KIAA0825: variants seen among roughly 807,000 people sequenced by gnomAD.
KIAA0825 encodes the protein uncharacterized protein KIAA0825.
KIAA0825 carries 119 observed loss-of-function variants against 147.6 expected under a neutral mutation model. The ratio of observed to expected loss-of-function variants is 0.81; its 90% CI spans 0.69 to 0.94. KIAA0825 has a LOEUF of 0.94. KIAA0825 is among the 40% of genes least tolerant of loss of function. The pLI is 0.00. For missense variants in KIAA0825, 1,381 were observed against 1,472.7 expected (o/e 0.94, Z 1.02); for synonymous variants, 470 against 518.1 (o/e 0.91, Z 1.26).
At position 94,396,270 on chromosome 5, in the gene KIAA0825, A is replaced by C; in HGVS notation, c.3127T>G (p.Trp1043Gly). ...ATTAAACCCAATTTTTCTTTACTCC[A>C]TCTGTCAAGAGAGGCACCTGTTAAA... ...ELLTGASLDR[W>G]SKEKLGLICM... The change falls in exon 17 of 21, where the codon TGG becomes GGG. Residue 1043 changes from tryptophan to glycine, a missense_variant. By Grantham distance (184) the Trp-to-Gly change is radical. Transcript: ENST00000682413. 6.4e-7 allele frequency: 1 copy of C among 1,551,298 alleles called. No individual in the cohort carries two copies. The highest frequency in any genetic ancestry group is 8.7e-7 in the Non-Finnish European group (1 of 1,146,838).
At chr5:94,507,474 G>A (rs923006187) in intron 5 of KIAA0825, among the ~76,000 whole-genome samples, 3 of 138,178 alleles carry the variant, frequency 2.2e-5, no homozygotes, top group African/African-American at 5.5e-5. Flanking sequence ...AAAAAAACCT[G>A]ACAGGCTATC....
intron 20 of KIAA0825, among the ~76,000 whole-genome samples, chr5:94,249,933 A>G (rs1041930773): frequency 6.6e-6 from 1 of 152,008 alleles, no homozygotes; most frequent in Admixed American, 6.6e-5. Context: ...CTAAAACAGT[A>G]CTTGGTATGA....
At chr5:94,544,214 G>A (rs927266953) in intron 2 of KIAA0825, among the ~76,000 whole-genome samples, 4 of 152,180 alleles carry the variant, frequency 2.6e-5, no homozygotes, top group African/African-American at 9.7e-5. Context: ...TAGAGGCCCA[G>A]AAGTAACCTA....
chr5:94,457,608 G>T (rs1562516490), intron 12 of KIAA0825, among the ~76,000 whole-genome samples: 1 of 136,856 alleles, frequency 7.3e-6, no homozygotes. Context: ...ACTCTCTCTG[G>T]GTTCTCTGAT....
rs796573916 is a variant in KIAA0825 at position 94,408,842 on chromosome 5, A to G, written c.2663-5049T>C. Among the ~76,000 whole-genome samples, 92 of 152,352 alleles carry G rather than the reference A, an allele frequency of 6.0e-4. 2 individuals are homozygous for G. Among genetic ancestry groups the G allele is most frequent in the African/African-American group, 2.2e-3 (90 of 41,588 alleles). Reference sequence around the variant, plus strand: ...ATTTAAAAAATCAATTTCTGGTGTGAATTTTTCTTGTAATTTGTTCATTTC... The same window carrying G: ...ATTTAAAAAATCAATTTCTGGTGTGGATTTTTCTTGTAATTTGTTCATTTC... On this transcript the variant is annotated intron_variant, in intron 15 of 20. Coordinates refer to ENST00000682413, the MANE Select transcript of KIAA0825 (RefSeq NM_001145678.3).
chr5:94,409,086 A>C (rs920991781), intron 15 of KIAA0825, among the ~76,000 whole-genome samples: 2 of 152,172 alleles, frequency 1.3e-5, no homozygotes, highest in Admixed American at 1.3e-4. Context: ...AGAGTCCTTC[A>C]CTTTTAGGGA....
intron 10 of KIAA0825, 72 bp downstream of exon 10, chr5:94,469,889 A>C: frequency 8.0e-7 from 1 of 1,257,588 alleles, no homozygotes; most frequent in Non-Finnish European, 1.1e-6. Context: ...CATGTTTCTA[A>C]TTAGCCAGAA....
intron 20 of KIAA0825, among the ~76,000 whole-genome samples, chr5:94,350,943 A>G (rs1373758145): frequency 2.0e-5 from 3 of 150,718 alleles, no homozygotes; most frequent in African/African-American, 7.3e-5. Context: ...CTGGAGTGCA[A>G]TGGCATGATC....
At chr5:94,608,393 C>A (rs1787897775) in intron 1 of KIAA0825, among the ~76,000 whole-genome samples, 1 of 99,124 alleles carries the variant, frequency 1.0e-5, no homozygotes, top group Non-Finnish European at 2.0e-5. Flanking sequence ...TCCCAAGTAA[C>A]TGGGACTACA....
intron 20 of KIAA0825, among the ~76,000 whole-genome samples, chr5:94,217,266 C>A (rs1338979272): frequency 1.3e-5 from 2 of 152,094 alleles, no homozygotes; most frequent in Admixed American, 1.3e-4. Flanking sequence ...AAAAAACTTT[C>A]CTTAAAATAG....
At chr5:94,436,941 A>T (rs1376976415) in intron 14 of KIAA0825, among the ~76,000 whole-genome samples, 1 of 152,170 alleles carries the variant, frequency 6.6e-6, no homozygotes, top group East Asian at 1.9e-4. Context: ...GTATACAGAA[A>T]TGCTAGCAAT....
At chr5:94,208,888 T>G (rs556070796) in intron 20 of KIAA0825, among the ~76,000 whole-genome samples, 1 of 152,330 alleles carries the variant, frequency 6.6e-6, no homozygotes, top group East Asian at 1.9e-4. Flanking sequence ...TAGGTAGTTT[T>G]CAAGTTTTTC....
In KIAA0825 at chr5:94,464,999, C is replaced by T. The variant is rs565529285; in HGVS notation, c.1933G>A (p.Asp645Asn). Residue 645 changes from aspartate to asparagine, a missense_variant, in exon 11 of 21, where the codon GAT becomes AAT. By Grantham distance (23) the Asp-to-Asn change is conservative (BLOSUM62 1). Coordinates refer to ENST00000682413, the MANE Select transcript of KIAA0825 (RefSeq NM_001145678.3). Reference sequence around the variant, plus strand: ...TTAGGAGGCAGAATGGTCCAGAGATCGTAATGAAGAGACCAGCAGAAATAA... The same window carrying T: ...TTAGGAGGCAGAATGGTCCAGAGATTGTAATGAAGAGACCAGCAGAAATAA... ...WHYFCWSLHYDLWTILPPKLA... is the reference protein window; with the variant it reads ...WHYFCWSLHYNLWTILPPKLA... 37 of 1,551,482 alleles carry T rather than the reference C, an allele frequency of 2.4e-5. No homozygotes were observed. The highest frequency in any genetic ancestry group is 2.0e-4 in the Admixed American group (10 of 50,974).
At chr5:94,612,785 G>C (rs909988972) in intron 1 of KIAA0825, among the ~76,000 whole-genome samples, 2 of 152,204 alleles carry the variant, frequency 1.3e-5, no homozygotes, top group Non-Finnish European at 2.9e-5. Context: ...AACTGTGACA[G>C]AGTTGGGATT....
intron 2 of KIAA0825, among the ~76,000 whole-genome samples, chr5:94,544,275 T>C (rs1773907977): frequency 6.6e-6 from 1 of 152,234 alleles, no homozygotes; most frequent in Non-Finnish European, 1.5e-5. Flanking sequence ...CTGTATGTGC[T>C]AACCACCTAG....
At chr5:94,357,244 G>A (rs200722948) in intron 20 of KIAA0825, among the ~76,000 whole-genome samples, 3 of 95,716 alleles carry the variant, frequency 3.1e-5, no homozygotes, top group South Asian at 3.2e-4. Context: ...GCTAACACAC[G>A]TTAAAAGTGG....
intron 20 of KIAA0825, among the ~76,000 whole-genome samples, chr5:94,284,219 CTA>C (rs1366038959): frequency 2.0e-5 from 3 of 152,062 alleles, no homozygotes; most frequent in Admixed American, 6.6e-5. Flanking sequence ...CTCAAATTTG[CTA>C]TAGTTTCCCA....
chr5:94,564,596 G>A (rs1778266243), intron 2 of KIAA0825, among the ~76,000 whole-genome samples: 1 of 143,714 alleles, frequency 7.0e-6, no homozygotes, highest in East Asian at 2.2e-4. Context: ...TGGAGATGAG[G>A]TATCCCTACA....
At chr5:94,529,291 TATATC>T (rs1342732741) in intron 3 of KIAA0825, among the ~76,000 whole-genome samples, 1 of 136,948 alleles carries the variant, frequency 7.3e-6, no homozygotes, top group South Asian at 2.2e-4. Flanking sequence ...TATATATGTA[TATATC>T]ATATATATGT....
Sources: gnomAD v4.1 joint callset for allele counts (sites outside exome capture counted in the v4.1 genomes callset) on GRCh38, gnomAD v4.1.1 for gene constraint, MANE v1.5 for transcripts, NCBI Gene and HGNC (gene_info 2026-07-23, HGNC 2026-07-21) for gene names.